RAB3B: variants seen among roughly 807,000 people sequenced by gnomAD.
RAB3B encodes the protein RAB3B, member RAS oncogene family.
A neutral mutation model predicts 20.5 loss-of-function variants in RAB3B; 11 were observed. The ratio of observed to expected loss-of-function variants is 0.54; its 90% CI spans 0.34 to 0.89. The LOEUF is 0.89. RAB3B is among the 40% of genes least tolerant of loss of function. RAB3B has a pLI of 0.02. For missense variants in RAB3B, 225 were observed against 280.9 expected, an observed-to-expected ratio of 0.80 and a Z score of 1.42; for synonymous variants, 99 against 106.3, an observed-to-expected ratio of 0.93 and a Z score of 0.42.
intron 2 of RAB3B, among the ~76,000 whole-genome samples, chr1:51,942,699 T>C (rs1010721753): frequency 3.9e-5 from 6 of 152,226 alleles, no homozygotes; most frequent in African/African-American, 1.4e-4. Flanking sequence ...ATACTTCATT[T>C]TATTGCACTT....
At chr1:51,989,739 T>C (rs1415630678) in intron 1 of RAB3B, among the ~76,000 whole-genome samples, 1 of 151,512 alleles carries the variant, frequency 6.6e-6, no homozygotes, top group Non-Finnish European at 1.5e-5. Flanking sequence ...CCCCTTCCTC[T>C]GCAGCAGGGT....
chr1:51,945,409 A>G (rs539966932), intron 2 of RAB3B, among the ~76,000 whole-genome samples: 19 of 152,206 alleles, frequency 1.2e-4, no homozygotes, highest in Non-Finnish European at 2.5e-4. Flanking sequence ...AGACTACTAC[A>G]GTATAAACGT....
intron 1 of RAB3B, among the ~76,000 whole-genome samples, chr1:51,988,886 C>T (rs1004158704): frequency 1.3e-5 from 2 of 151,974 alleles, no homozygotes; most frequent in African/African-American, 4.8e-5. Context: ...TTTTCCCATA[C>T]GGTTTCCTCT....
rs1055676611 is a variant in RAB3B at position 51,990,609 on chromosome 1, G to A, written c.-58C>T. On this transcript the variant is annotated 5_prime_UTR_variant, in exon 1 of 5. Coordinates refer to ENST00000371655, the MANE Select transcript of RAB3B (RefSeq NM_002867.4). ...TCCCGGACGGTCGGCGGGACGGCAG[G>A]ACCTGGCGTCGGGAGGGCGCGGAGG... The A allele has an allele frequency of 1.3e-5, 2 of 152,280 alleles. No homozygotes were observed. The highest frequency in any genetic ancestry group is 4.8e-5 in the African/African-American group (2 of 41,442). The allele number at this position is 152,280 out of a possible 1,614,324, so 9.4% of individuals were successfully genotyped here. A position where few individuals can be genotyped will look rare whatever the true frequency, so the allele number is the denominator to read the frequency against.
intron 2 of RAB3B, among the ~76,000 whole-genome samples, chr1:51,961,636 T>C (rs1301048610): frequency 6.6e-6 from 1 of 152,208 alleles, no homozygotes; most frequent in East Asian, 1.9e-4. Context: ...GTAAAGCACC[T>C]GTAAAGTATG....
chr1:51,985,882 A>C (rs1252039237), intron 1 of RAB3B, among the ~76,000 whole-genome samples: 1 of 152,048 alleles, frequency 6.6e-6, no homozygotes, highest in East Asian at 1.9e-4. Context: ...GGCTCTGCAA[A>C]GACAAGTGAT....
At position 51,919,807 on chromosome 1, in the gene RAB3B, T is replaced by G. The variant is rs1428577174; in HGVS notation, c.*120A>C. 9.7e-7 allele frequency: 1 copy of G among 1,030,178 alleles called. No individual in the cohort carries two copies. The highest frequency in any genetic ancestry group is 1.6e-5 in the African/African-American group (1 of 61,598). 63.8% of individuals were successfully genotyped at this position (1,030,178 alleles called of 1,614,324 possible). ...GGCAAAGAATAGCAGCAACTCATCTTGCTCTGAGTGTGGGCAGTGTGTAAC... is the reference window on the plus strand; with the variant it reads ...GGCAAAGAATAGCAGCAACTCATCTGGCTCTGAGTGTGGGCAGTGTGTAAC... On this transcript the variant is annotated 3_prime_UTR_variant, in exon 5 of 5. Coordinates refer to ENST00000371655, the MANE Select transcript of RAB3B (RefSeq NM_002867.4).
chr1:51,950,598 G>GACAA (rs1684625164), intron 2 of RAB3B, among the ~76,000 whole-genome samples: 1 of 3,464 alleles, frequency 2.9e-4, no homozygotes, highest in African/African-American at 3.5e-4. Context: ...CCATGTCATA[G>GACAA]ACAAAGGGAG....
chr1:51,944,246 G>A (rs1684533316), intron 2 of RAB3B, among the ~76,000 whole-genome samples: 1 of 152,068 alleles, frequency 6.6e-6, no homozygotes, highest in Admixed American at 6.6e-5. Context: ...TTTACAATAT[G>A]GTTTACTGAA....
At chr1:51,952,484 A>G (rs1441128377) in intron 2 of RAB3B, among the ~76,000 whole-genome samples, 1 of 152,112 alleles carries the variant, frequency 6.6e-6, no homozygotes, top group Non-Finnish European at 1.5e-5. Flanking sequence ...TAGGTATTCA[A>G]TAAATATTTT....
chr1:51,971,219 T>C (rs185616112), intron 2 of RAB3B, among the ~76,000 whole-genome samples: 7 of 150,598 alleles, frequency 4.6e-5, no homozygotes, highest in Admixed American at 4.6e-4. Flanking sequence ...AAGTGATTTA[T>C]CAAAGCTCAC....
At chr1:51,979,497 C>T (rs1685055953) in intron 1 of RAB3B, among the ~76,000 whole-genome samples, 1 of 151,794 alleles carries the variant, frequency 6.6e-6, no homozygotes. Context: ...TCTCGAACTC[C>T]TGACCTCAGG....
chr1:51,951,458 A>C (rs1394021515), intron 2 of RAB3B, among the ~76,000 whole-genome samples: 2 of 152,166 alleles, frequency 1.3e-5, no homozygotes, highest in African/African-American at 2.4e-5. Context: ...TCAAATTCAA[A>C]TATTCTGACT....
In RAB3B at chr1:51,912,797, A is replaced by T. The variant is rs1390453774; in HGVS notation, c.*7130T>A. On this transcript the variant is annotated 3_prime_UTR_variant, in exon 5 of 5. Coordinates refer to ENST00000371655, the MANE Select transcript of RAB3B (RefSeq NM_002867.4). ...GTAAAACCCTAGGATCTGCTGCTAGATTAGACAAGGAGGCTGAGAAAAAGA... is the reference window on the plus strand; with the variant it reads ...GTAAAACCCTAGGATCTGCTGCTAGTTTAGACAAGGAGGCTGAGAAAAAGA... 1 of 151,810 alleles carries T rather than the reference A, an allele frequency of 6.6e-6. No individual in the cohort carries two copies. Among genetic ancestry groups the T allele is most frequent in the Non-Finnish European group, 1.5e-5 (1 of 67,966 alleles). 9.4% of individuals were successfully genotyped at this position (151,810 alleles called of 1,614,324 possible). A position where few individuals can be genotyped will look rare whatever the true frequency, so the allele number is the denominator to read the frequency against.
rs1374832478 is a variant in RAB3B at position 51,929,093 on chromosome 1, T to C, written c.472+4225A>G. Among the ~76,000 whole-genome samples the C allele has an allele frequency of 2.0e-5, 3 of 152,266 alleles. No individual in the cohort carries two copies. In the East Asian group the frequency reaches 5.8e-4, roughly 29 times the overall value. On this transcript the variant is annotated intron_variant, in intron 4 of 4. Transcript: ENST00000371655. ...CCAGCCACTGGGATGGGCACATGAC[T>C]CACAGGTGACCAATCATAGTATTCT...
chr1:51,948,488 C>CA (rs1251914014), intron 2 of RAB3B, among the ~76,000 whole-genome samples: 5 of 152,178 alleles, frequency 3.3e-5, no homozygotes, highest in Non-Finnish European at 7.3e-5. Context: ...GATTCTGTGC[C>CA]AAGCATTGGT....
chr1:51,965,378 G>A (rs1464899613), intron 2 of RAB3B, among the ~76,000 whole-genome samples: 1 of 152,168 alleles, frequency 6.6e-6, no homozygotes, highest in East Asian at 1.9e-4. Flanking sequence ...GGCTGGCCCG[G>A]TGGCTTACGC....
intron 2 of RAB3B, among the ~76,000 whole-genome samples, chr1:51,960,839 G>C (rs1394565957): frequency 1.3e-5 from 2 of 152,184 alleles, no homozygotes; most frequent in African/African-American, 4.8e-5. Flanking sequence ...ATCAGTCACA[G>C]TAGTACAGCA....
chr1:51,927,209 TGA>T (rs1684256757), intron 4 of RAB3B, among the ~76,000 whole-genome samples: 1 of 152,132 alleles, frequency 6.6e-6, no homozygotes. Flanking sequence ...AGGCAGTGTA[TGA>T]GAGTCTGTGG....
Sources: allele counts gnomAD v4.1 joint callset (sites outside exome capture counted in the v4.1 genomes callset), GRCh38; gene constraint gnomAD v4.1.1; transcripts MANE v1.5; gene names NCBI Gene and HGNC (gene_info 2026-07-23, HGNC 2026-07-21).